The following ROCK2 variants were observed in gnomAD, a reference collection of about 807,000 sequenced individuals.
ROCK2 encodes the protein rho-associated protein kinase 2.
ROCK2 carries 61 observed loss-of-function variants against 195.1 expected under a neutral mutation model. The observed-to-expected ratio is 0.31, with a 90% confidence interval of 0.25 to 0.39. ROCK2 has a LOEUF of 0.39. Among genes scored for constraint, ROCK2 ranks in the 10% least tolerant of loss-of-function variants. The pLI is 1.00. For synonymous variants in ROCK2, 504 were observed against 545.5 expected, an observed-to-expected ratio of 0.92 and a Z score of 1.06; for missense variants, 1,109 against 1,637.4, an observed-to-expected ratio of 0.68 and a Z score of 5.57.
chr2:11,238,643 T>C (rs546435100), intron 4 of ROCK2, among the ~76,000 whole-genome samples: 31 of 152,278 alleles, frequency 2.0e-4, no homozygotes, highest in African/African-American at 7.2e-4. Flanking sequence ...AGGCCAGGAA[T>C]TTGAGACCAG....
chr2:11,233,081 G>T (rs7589629), intron 5 of ROCK2, among the ~76,000 whole-genome samples: 66,484 of 151,752 alleles, frequency 0.44, 15,167 homozygotes, highest in Admixed American at 0.53. Flanking sequence ...AGGCATGGTG[G>T]TGTACGCCTG....
intron 13 of ROCK2, 57 bp from the exon 14 acceptor site, chr2:11,215,702 CA>C (rs1168189812): frequency 6.4e-6 from 9 of 1,416,496 alleles, no homozygotes; most frequent in South Asian, 2.7e-5. Context: ...GAAATCAAAA[CA>C]AAAAATACTT....
At position 11,182,222 on chromosome 2, in the gene ROCK2, C is replaced by CTG. The variant is rs1663032628; in HGVS notation, c.*1213_*1214dup. 3 of 152,292 alleles carry CTG rather than the reference C, an allele frequency of 2.0e-5. No individual in the cohort carries two copies. Among genetic ancestry groups the CTG allele is most frequent in the South Asian group, 4.1e-4 (2 of 4,826 alleles). The allele number at this position is 152,292 out of a possible 1,614,324, so 9.4% of individuals were successfully genotyped here. A position where few individuals can be genotyped will look rare whatever the true frequency, so the allele number is the denominator to read the frequency against. ...GTTTTCTTAACCCGGTACTAAAATA[C>CTG]TGCCACACACAGCTGCATGTCTGAG... On this transcript the variant is annotated 3_prime_UTR_variant, in exon 33 of 33. Coordinates refer to ENST00000315872, the MANE Select transcript of ROCK2 (RefSeq NM_004850.5).
At chr2:11,308,535 G>A in intron 1 of ROCK2, 1 of 1,543,282 alleles carries the variant, frequency 6.5e-7, no homozygotes, top group Admixed American at 1.7e-5. Flanking sequence ...CTCACTATCA[G>A]AATTGAGAAA....
chr2:11,333,050 G>A (rs569307232), intron 1 of ROCK2, among the ~76,000 whole-genome samples: 3 of 152,122 alleles, frequency 2.0e-5, no homozygotes, highest in Non-Finnish European at 2.9e-5. Context: ...GGGAATTTAG[G>A]GGGGGTGATG....
chr2:11,281,219 A>C (rs1666990834), intron 3 of ROCK2, among the ~76,000 whole-genome samples: 1 of 151,460 alleles, frequency 6.6e-6, no homozygotes, highest in South Asian at 2.1e-4. Flanking sequence ...AAAAAAAAAA[A>C]AAAAAAAAAA....
chr2:11,265,596 C>T (rs1054572170), intron 3 of ROCK2, among the ~76,000 whole-genome samples: 5 of 152,080 alleles, frequency 3.3e-5, no homozygotes, highest in African/African-American at 1.2e-4. Flanking sequence ...GGGTGGTTAC[C>T]TTTATGTTTG....
chr2:11,336,425 T>C (rs1474370608), intron 1 of ROCK2, among the ~76,000 whole-genome samples: 19 of 152,140 alleles, frequency 1.2e-4, no homozygotes, highest in Admixed American at 1.2e-3. Flanking sequence ...AATTTTTTTA[T>C]TTCTGTAGAG....
intron 4 of ROCK2, among the ~76,000 whole-genome samples, chr2:11,236,801 A>G (rs922018902): frequency 6.6e-6 from 1 of 152,232 alleles, no homozygotes; most frequent in Non-Finnish European, 1.5e-5. Flanking sequence ...GCAATTTGAG[A>G]AACAAAAATA....
At chr2:11,190,990 A>T (rs542933174) in intron 32 of ROCK2, among the ~76,000 whole-genome samples, 6 of 152,294 alleles carry the variant, frequency 3.9e-5, no homozygotes, top group South Asian at 2.1e-4. Flanking sequence ...CTGAAACACC[A>T]ATTCTGCCTT....
At chr2:11,288,258 C>G (rs993725428) in intron 1 of ROCK2, among the ~76,000 whole-genome samples, 1 of 152,090 alleles carries the variant, frequency 6.6e-6, no homozygotes, top group African/African-American at 2.4e-5. Context: ...TTTTTCTTTA[C>G]ATTTCTGTAT....
chr2:11,229,268 A>C (rs1179412325), intron 5 of ROCK2, among the ~76,000 whole-genome samples: 1 of 152,194 alleles, frequency 6.6e-6, no homozygotes, highest in Non-Finnish European at 1.5e-5. Context: ...TTTTTAAAAC[A>C]AACATTTGAA....
chr2:11,189,991 T>C (rs1206481833), intron 32 of ROCK2, among the ~76,000 whole-genome samples: 1 of 151,920 alleles, frequency 6.6e-6, no homozygotes, highest in African/African-American at 2.4e-5. Context: ...TGAGACCCTG[T>C]CTCAATAATA....
intron 3 of ROCK2, among the ~76,000 whole-genome samples, chr2:11,282,529 C>T (rs867020321): frequency 2.1e-5 from 3 of 145,070 alleles, no homozygotes; most frequent in Non-Finnish European, 4.5e-5. Flanking sequence ...TAAATATAGT[C>T]AACTGATCTT....
chr2:11,227,501 T>G, intron 5 of ROCK2, 103 bp from the exon 6 acceptor site: 1 of 1,091,678 alleles, frequency 9.2e-7, no homozygotes, highest in Non-Finnish European at 1.3e-6. Flanking sequence ...GATTACATAT[T>G]GCTAACCAAC....
chr2:11,282,607 C>CAAAAAAAAAAAAAAAAAAAAAAAA (rs70953381), intron 3 of ROCK2, among the ~76,000 whole-genome samples: 74 of 123,324 alleles, frequency 6.0e-4, no homozygotes, highest in Non-Finnish European at 1.0e-3. Context: ...TATCTACATG[C>CAAAAAAAAAAAAAAAAAAAAAAAA]AAAAAAAAAA....
intron 4 of ROCK2, among the ~76,000 whole-genome samples, chr2:11,248,841 G>A (rs1391958264): frequency 2.7e-5 from 4 of 150,750 alleles, no homozygotes; most frequent in Non-Finnish European, 5.9e-5. Flanking sequence ...AATGTTTATT[G>A]TAGGAAGTTT....
chr2:11,279,636 C>T (rs567380611), intron 3 of ROCK2, among the ~76,000 whole-genome samples: 1 of 152,262 alleles, frequency 6.6e-6, no homozygotes, highest in Admixed American at 6.5e-5. Context: ...AGGCAGAAAA[C>T]CAGTTAAGAA....
At chr2:11,288,135 A>C (rs1343621208) in intron 1 of ROCK2, among the ~76,000 whole-genome samples, 1 of 152,220 alleles carries the variant, frequency 6.6e-6, no homozygotes, top group Non-Finnish European at 1.5e-5. Context: ...CAGATTAAGA[A>C]GAGAAAATCC....
Sources: allele counts gnomAD v4.1 joint callset (sites outside exome capture counted in the v4.1 genomes callset), GRCh38; gene constraint gnomAD v4.1.1; transcripts MANE v1.5; gene names NCBI Gene and HGNC (gene_info 2026-07-23, HGNC 2026-07-21).